The following FBXW11 variants were observed in gnomAD, a reference collection of about 807,000 sequenced individuals.
FBXW11 encodes the protein F-box/WD repeat-containing protein 11.
A neutral mutation model predicts 77.6 loss-of-function variants in FBXW11; 19 were observed. That is an observed-to-expected ratio of 0.24 (90% CI 0.17 to 0.36). The LOEUF is 0.36. Among genes scored for constraint, FBXW11 ranks in the 10% least tolerant of loss-of-function variants. The probability of loss-of-function intolerance (pLI) is 1.00; values close to 1 mark genes in which losing one functional copy is unlikely to be tolerated. For missense variants in FBXW11, 334 were observed against 704.2 expected (o/e 0.47, Z 5.95); for synonymous variants, 235 against 249.4 (o/e 0.94, Z 0.54).
intron 6 of FBXW11, among the ~76,000 whole-genome samples, chr5:171,896,113 A>G (rs1225818905): frequency 6.6e-6 from 1 of 152,188 alleles, no homozygotes; most frequent in Non-Finnish European, 1.5e-5. Context: ...CGGTGGGTCA[A>G]TGTAGAAGCG....
At chr5:172,001,025 TG>T (rs1340900778) in intron 1 of FBXW11, among the ~76,000 whole-genome samples, 1 of 152,220 alleles carries the variant, frequency 6.6e-6, no homozygotes, top group Non-Finnish European at 1.5e-5. Context: ...TCAATCTGTA[TG>T]TGTGGAAAGT....
chr5:171,965,519 C>A (rs2113375530), intron 1 of FBXW11, among the ~76,000 whole-genome samples: 1 of 146,210 alleles, frequency 6.8e-6, no homozygotes, highest in East Asian at 2.0e-4. Flanking sequence ...GAGTGAGACT[C>A]TTGTCTTTAA....
At chr5:171,911,448 C>T (rs1760878178) in intron 3 of FBXW11, among the ~76,000 whole-genome samples, 1 of 152,170 alleles carries the variant, frequency 6.6e-6, no homozygotes, top group African/African-American at 2.4e-5. Flanking sequence ...ATGTTGAGAA[C>T]CACAGGTCTA....
At position 171,861,699 on chromosome 5, in the gene FBXW11, T is replaced by C. The variant is rs571980551; in HGVS notation, c.*2428A>G. On this transcript the variant is annotated 3_prime_UTR_variant, in exon 14 of 14. Transcript: ENST00000517395. The stretch of plus-strand genomic sequence containing the variant: ...ATTTACTGGACAAAAGTCAAACTTT[T>C]TTGTTTTTTATTAAGCACATTCCAC... 4 of 152,802 alleles carry C rather than the reference T, an allele frequency of 2.6e-5. No homozygotes were observed. In the East Asian group the frequency reaches 7.7e-4, roughly 29 times the overall value. 9.5% of individuals were successfully genotyped at this position (152,802 alleles called of 1,614,324 possible).
At chr5:171,967,839 C>CAAAA (rs1264192715) in intron 1 of FBXW11, among the ~76,000 whole-genome samples, 1 of 99,036 alleles carries the variant, frequency 1.0e-5, no homozygotes, top group African/African-American at 4.5e-5. Flanking sequence ...GACTCTGTCT[C>CAAAA]AAAAAAAAAA....
chr5:171,920,379 G>A (rs533296538), intron 2 of FBXW11, among the ~76,000 whole-genome samples: 1 of 147,902 alleles, frequency 6.8e-6, no homozygotes, highest in Non-Finnish European at 1.5e-5. Flanking sequence ...TTCGGTGAAG[G>A]AGGATGGGAA....
At chr5:171,947,067 G>C (rs1410352081) in intron 2 of FBXW11, among the ~76,000 whole-genome samples, 1 of 151,948 alleles carries the variant, frequency 6.6e-6, no homozygotes, top group South Asian at 2.1e-4. Flanking sequence ...ACCTGCCTTG[G>C]CCTCCCAAGG....
intron 1 of FBXW11, among the ~76,000 whole-genome samples, chr5:171,988,552 TA>T (rs1397432923): frequency 6.6e-6 from 1 of 152,118 alleles, no homozygotes; most frequent in Non-Finnish European, 1.5e-5. Context: ...AGTGGCAATT[TA>T]AAAACTACAA....
At chr5:171,902,010 A>G (rs1235641116) in intron 4 of FBXW11, among the ~76,000 whole-genome samples, 1 of 152,172 alleles carries the variant, frequency 6.6e-6, no homozygotes, top group Non-Finnish European at 1.5e-5. Flanking sequence ...ATTAGTACCT[A>G]TTATTATAAT....
chr5:171,915,742 TA>T (rs2113959410), intron 2 of FBXW11, among the ~76,000 whole-genome samples: 1 of 151,978 alleles, frequency 6.6e-6, no homozygotes, highest in East Asian at 1.9e-4. Flanking sequence ...GCTTAGTGCA[TA>T]ATGGGTATTC....
At chr5:171,990,730 CA>C (rs1374165318) in intron 1 of FBXW11, among the ~76,000 whole-genome samples, 1 of 151,894 alleles carries the variant, frequency 6.6e-6, no homozygotes, top group East Asian at 1.9e-4. Context: ...AAAAAAGGTG[CA>C]AAAATAATGT....
intron 2 of FBXW11, among the ~76,000 whole-genome samples, chr5:171,930,762 T>TAAAAAAAAAAAAAATA (rs59700625): frequency 7.9e-6 from 1 of 126,534 alleles, no homozygotes; most frequent in Admixed American, 7.9e-5. Flanking sequence ...AATAAAAAAA[T>TAAAAAAAAAAAAAATA]AAAAAAAAAA....
At position 171,952,422 on chromosome 5, in the gene FBXW11, C is replaced by CATATATATAT. The variant is rs1198809796; in HGVS notation, c.147+5165_147+5174dup. Among the ~76,000 whole-genome samples the CATATATATAT allele has an allele frequency of 3.4e-3, 50 of 14,596 alleles. 3 individuals carry two copies. Among genetic ancestry groups the CATATATATAT allele is most frequent in the Non-Finnish European group, 4.3e-3 (32 of 7,402 alleles). 9.6% of individuals were successfully genotyped at this position (14,596 alleles called of 152,430 possible). ...TGTGTGTGTGTGTTGTGTGTACATA[C>CATATATATAT]ATATATATATATATATATATATATA... On this transcript the variant is annotated intron_variant, in intron 2 of 13. Coordinates refer to ENST00000517395, the MANE Select transcript of FBXW11 (RefSeq NM_001378974.1).
At chr5:171,939,975 C>A (rs1435295614) in intron 2 of FBXW11, among the ~76,000 whole-genome samples, 2 of 151,292 alleles carry the variant, frequency 1.3e-5, no homozygotes, top group Admixed American at 6.6e-5. Flanking sequence ...CTTATAATTC[C>A]AAAAAAAAGT....
Position 171,879,335 on chromosome 5 carries a change from A to C in FBXW11, c.853-1206T>G, listed in dbSNP as rs1758350313. ...TTATCCCACTGTCTAGATGTACTAC[A>C]GTTTATTTATCCATTCACCTACTGA... On this transcript the variant is annotated intron_variant, in intron 7 of 13. Transcript: ENST00000517395. 5.9e-5 allele frequency among the ~76,000 whole-genome samples: 9 copies of C among 152,122 alleles called. No homozygotes were observed. The South Asian group carries it at 1.9e-3, about 31-fold the overall frequency.
Position 171,898,947 on chromosome 5 carries a change from T to G in FBXW11, c.714+57A>C, listed in dbSNP as rs1412478983. 7 of 1,179,012 alleles carry G rather than the reference T, an allele frequency of 5.9e-6. No homozygotes were observed. The East Asian group carries it at 1.7e-4, about 28-fold the overall frequency. 73.0% of individuals were successfully genotyped at this position (1,179,012 alleles called of 1,614,324 possible). A position where few individuals can be genotyped will look rare whatever the true frequency, so the allele number is the denominator to read the frequency against. On this transcript the variant is annotated intron_variant, in intron 6 of 13. Transcript: ENST00000517395. The stretch of plus-strand genomic sequence containing the variant: ...ACCAAAAGAACACTCTAAGGCAACA[T>G]AAAAAGTTGAGAACAAGAAACAAAG...
At position 171,957,767 on chromosome 5, in the gene FBXW11, A is replaced by G. The variant is rs187188200; in HGVS notation, c.46-69T>C. The G allele has an allele frequency of 2.0e-3, 2,675 of 1,323,676 alleles. 6 individuals are homozygous for G. Among genetic ancestry groups the G allele is most frequent in the Non-Finnish European group, 2.4e-3 (2,181 of 916,750 alleles). The allele number at this position is 1,323,676 out of a possible 1,614,324, so 82.0% of individuals were successfully genotyped here. A position where few individuals can be genotyped will look rare whatever the true frequency, so the allele number is the denominator to read the frequency against. ...GCCGCAACAAATCACTCCTTCACACAGGCAACTTGAATGTTAGTTGGGGCA... is the reference window on the plus strand; with the variant it reads ...GCCGCAACAAATCACTCCTTCACACGGGCAACTTGAATGTTAGTTGGGGCA... On this transcript the variant is annotated intron_variant, in intron 1 of 13. Coordinates refer to ENST00000517395, the MANE Select transcript of FBXW11 (RefSeq NM_001378974.1).
intron 1 of FBXW11, among the ~76,000 whole-genome samples, chr5:171,963,624 T>C (rs1399318363): frequency 6.6e-6 from 1 of 152,166 alleles, no homozygotes; most frequent in African/African-American, 2.4e-5. Flanking sequence ...ATACACAGTT[T>C]GTACAATATC....
intron 7 of FBXW11, among the ~76,000 whole-genome samples, chr5:171,881,846 T>C (rs926557248): frequency 6.6e-6 from 1 of 152,260 alleles, no homozygotes; most frequent in Non-Finnish European, 1.5e-5. Flanking sequence ...ATATAAATTA[T>C]CAAATTTGTA....
Sources: allele counts gnomAD v4.1 joint callset (sites outside exome capture counted in the v4.1 genomes callset), GRCh38; gene constraint gnomAD v4.1.1; transcripts MANE v1.5; gene names NCBI Gene and HGNC (gene_info 2026-07-23, HGNC 2026-07-21).